The following ABHD6 variants were observed in gnomAD, a reference collection of about 807,000 sequenced individuals.
The protein encoded by ABHD6 is monoacylglycerol lipase ABHD6.
ABHD6 carries 33 observed loss-of-function variants against 38.8 expected under a neutral mutation model. The observed-to-expected ratio is 0.85, with a 90% CI of 0.64 to 1.14. The LOEUF is 1.14. Among genes scored for constraint, ABHD6 ranks in the 50% most tolerant of loss-of-function variants. The pLI is 0.00. For missense variants in ABHD6, 380 were observed against 422.6 expected (o/e 0.90, Z 0.88); for synonymous variants, 147 against 161.6 (o/e 0.91, Z 0.69).
chr3:58,242,022 A>G (rs916633395), intron 1 of ABHD6, among the ~76,000 whole-genome samples: 2 of 152,230 alleles, frequency 1.3e-5, no homozygotes, highest in African/African-American at 2.4e-5. Context: ...TGTCAGGAGC[A>G]TTTACAGAGA....
intron 9 of ABHD6, among the ~76,000 whole-genome samples, chr3:58,290,876 A>G (rs1358254000): frequency 7.4e-6 from 1 of 134,676 alleles, no homozygotes; most frequent in African/African-American, 2.9e-5. Context: ...CCGGGCAGAG[A>G]CGCTCCTCAC....
intron 3 of ABHD6, among the ~76,000 whole-genome samples, chr3:58,261,781 A>G (rs2097437154): frequency 6.6e-6 from 1 of 152,224 alleles, no homozygotes; most frequent in African/African-American, 2.4e-5. Flanking sequence ...GTTGCTATGC[A>G]CAAATTTGTC....
intron 1 of ABHD6, among the ~76,000 whole-genome samples, chr3:58,245,903 A>C (rs1027234976): frequency 6.6e-6 from 1 of 152,170 alleles, no homozygotes; most frequent in African/African-American, 2.4e-5. Context: ...TAAAAGTGCA[A>C]GTTTGGCCAA....
At chr3:58,274,636 C>CAT (rs1325350191) in intron 6 of ABHD6, 22 bp from the exon 7 acceptor site, 1 of 1,608,538 alleles carries the variant, frequency 6.2e-7, no homozygotes, top group Non-Finnish European at 8.5e-7. Context: ...ATCATCAAGC[C>CAT]ATTTGGGTTT....
chr3:58,293,710 T>C lies in ABHD6; in HGVS notation c.959T>C (p.Ile320Thr), dbSNP rs1176130148. 6.2e-7 allele frequency: 1 copy of C among 1,614,248 alleles called. No individual in the cohort carries two copies. Among genetic ancestry groups the C allele is most frequent in the Non-Finnish European group, 8.5e-7 (1 of 1,180,036 alleles). ...AGACCCAGGAAGACAGCCAAGCTCA[T>C]AATCGACTTTTTAGCTTCTGTGCAC... Reference protein sequence around the residue: ...MERPRKTAKLIIDFLASVHNT... With the variant: ...MERPRKTAKLTIDFLASVHNT... The change falls in exon 10 of 10, where the codon ATA becomes ACA. Residue 320 changes from isoleucine to threonine, a missense_variant. Physicochemically the swap from Ile to Thr is moderately conservative, Grantham distance 89 (BLOSUM62 -1). Coordinates refer to ENST00000478253, the MANE Select transcript of ABHD6 (RefSeq NM_001320126.2). The surrounding 1 kb of genome is among the most constrained non-coding windows in gnomAD (Gnocchi z 4.4).
intron 1 of ABHD6, among the ~76,000 whole-genome samples, chr3:58,244,489 C>T (rs1008442792): frequency 2.6e-5 from 4 of 152,166 alleles, no homozygotes; most frequent in Admixed American, 2.6e-4. Context: ...TCGCACAGGG[C>T]TGAGCATGGT....
intron 7 of ABHD6, among the ~76,000 whole-genome samples, chr3:58,278,063 T>A (rs1194808099): frequency 6.6e-6 from 1 of 152,310 alleles, no homozygotes; most frequent in Admixed American, 6.5e-5. Flanking sequence ...GGTCTAAAAT[T>A]CTCTTTTTTT....
chr3:58,243,305 C>G (rs1184366062), intron 1 of ABHD6, among the ~76,000 whole-genome samples: 1 of 152,156 alleles, frequency 6.6e-6, no homozygotes, highest in African/African-American at 2.4e-5. Flanking sequence ...GCACTGTCTT[C>G]CACAATGGTT....
Position 58,285,294 on chromosome 3 carries a change from G to A in ABHD6, c.737-59G>A. 2 of 1,568,866 alleles carry A rather than the reference G, an allele frequency of 1.3e-6. No homozygotes were observed. The highest frequency in any genetic ancestry group is 3.3e-4 in the Middle Eastern group (2 of 5,982). On this transcript the variant is annotated intron_variant, in intron 8 of 9. Transcript: ENST00000478253. This position sits in a 1 kb window ranked among gnomAD's most constrained non-coding sequence, Gnocchi z 4.9. ...GATCTGGTGACTATCCCTTGATTCT[G>A]CGGTGGTGCCACAGGCACAGTCCAG...
intron 3 of ABHD6, chr3:58,258,662 C>T (rs971829553): frequency 2.7e-5 from 5 of 184,208 alleles, no homozygotes; most frequent in East Asian, 1.6e-4. Context: ...TTCAGGAAGT[C>T]GGAACTCACT....
chr3:58,254,337 GT>G (rs745418462), intron 2 of ABHD6, among the ~76,000 whole-genome samples: 188 of 152,294 alleles, frequency 1.2e-3, no homozygotes, highest in Admixed American at 6.7e-3. Flanking sequence ...TTTCTGTGAA[GT>G]TTTATTGGAA....
At chr3:58,268,158 C>T (rs2363686) in intron 4 of ABHD6, among the ~76,000 whole-genome samples, 40,061 of 152,042 alleles carry the variant, frequency 0.26, 5,353 homozygotes, top group Non-Finnish European at 0.27. Flanking sequence ...ATATATAAAA[C>T]GTATGGCTTA....
intron 6 of ABHD6, among the ~76,000 whole-genome samples, chr3:58,272,308 C>A (rs1030937521): frequency 9.2e-5 from 14 of 152,312 alleles, no homozygotes; most frequent in African/African-American, 3.1e-4. Context: ...CCCAGGCTGC[C>A]TGACTCCAGA....
In ABHD6 at chr3:58,266,481, T is replaced by C. The variant is rs914784358; in HGVS notation, c.120-708T>C. Among the ~76,000 whole-genome samples, 1 of 151,642 alleles carries C rather than the reference T, an allele frequency of 6.6e-6. No individual in the cohort carries two copies. Among genetic ancestry groups the C allele is most frequent in the Non-Finnish European group, 1.5e-5 (1 of 67,930 alleles). On this transcript the variant is annotated intron_variant, in intron 3 of 9. Transcript: ENST00000478253. This position sits in a 1 kb window ranked among gnomAD's most constrained non-coding sequence, Gnocchi z 4.0. ...ACAAACAACAAAAAAAAAAACCTTA[T>C]GTATGCTCTCACATTTTTTGTATGC... is the stretch of plus-strand genomic sequence containing the variant.
intron 7 of ABHD6, among the ~76,000 whole-genome samples, chr3:58,282,289 AT>A (rs2097453884): frequency 1.3e-5 from 2 of 152,266 alleles, no homozygotes; most frequent in Admixed American, 1.3e-4. Flanking sequence ...AGAGGAACCC[AT>A]TTGGGAACTA....
chr3:58,271,444 C>T (rs187421213), intron 6 of ABHD6, among the ~76,000 whole-genome samples: 92 of 152,022 alleles, frequency 6.1e-4, no homozygotes, highest in African/African-American at 2.1e-3. Context: ...TTATCGGGCT[C>T]TTACGAGCTA....
chr3:58,291,388 C>G (rs2097462823), intron 9 of ABHD6, among the ~76,000 whole-genome samples: 1 of 151,474 alleles, frequency 6.6e-6, no homozygotes, highest in Non-Finnish European at 1.5e-5. Flanking sequence ...GAGAGGGAGA[C>G]CGTGGGGAGA....
intron 6 of ABHD6, among the ~76,000 whole-genome samples, chr3:58,272,193 C>G (rs1169068901): frequency 6.6e-6 from 1 of 152,118 alleles, no homozygotes; most frequent in African/African-American, 2.4e-5. Context: ...TGACTTTTTA[C>G]GTATGCAGTT....
intron 1 of ABHD6, among the ~76,000 whole-genome samples, chr3:58,243,104 C>A (rs2107412702): frequency 6.6e-6 from 1 of 152,280 alleles, no homozygotes; most frequent in East Asian, 1.9e-4. Context: ...GCCACATTTT[C>A]TTAATCCAGT....
Sources: gnomAD v4.1 joint callset for allele counts (sites outside exome capture counted in the v4.1 genomes callset) on GRCh38, gnomAD v4.1.1 for gene constraint, Gnocchi (gnomAD v3.1) non-coding constraint, MANE v1.5 for transcripts, NCBI Gene and HGNC (gene_info 2026-07-23, HGNC 2026-07-21) for gene names.